CHST9: variants seen among roughly 807,000 people sequenced by gnomAD.
CHST9 encodes GalNAc-4-sulfotransferase 2.
CHST9 carries 41 observed loss-of-function variants against 44.4 expected under a neutral mutation model. The observed-to-expected ratio is 0.92, with a 90% confidence interval of 0.72 to 1.20. The LOEUF (loss-of-function observed/expected upper bound fraction) is 1.20, where lower values mean the gene tolerates loss of function less well. Ranked by LOEUF, CHST9 falls within the 50% of genes most tolerant of loss-of-function variation. The pLI is 0.00. For missense variants in CHST9, 504 were observed against 516.5 expected, an observed-to-expected ratio of 0.98 and a Z score of 0.23; for synonymous variants, 171 against 178.4, an observed-to-expected ratio of 0.96 and a Z score of 0.33.
At chr18:27,007,644 AGAAAGGGAAGGGG>A (rs549435994) in intron 4 of CHST9, among the ~76,000 whole-genome samples, 174 of 152,352 alleles carry the variant, frequency 1.1e-3, no homozygotes, top group African/African-American at 3.9e-3. Context: ...AGGAACAGTC[AGAAAGGGAAGGGG>A]GAATCCTATT....
chr18:27,048,370 T>C, intron 3 of CHST9, 95 bp downstream of exon 3: 3 of 913,694 alleles, frequency 3.3e-6, no homozygotes, highest in Non-Finnish European at 5.1e-6. Flanking sequence ...AAACTATTAA[T>C]TTTAGTGTGA....
chr18:27,144,653 C>T (rs927012275), intron 1 of CHST9, among the ~76,000 whole-genome samples: 41 of 152,018 alleles, frequency 2.7e-4, no homozygotes, highest in African/African-American at 1.9e-4. Flanking sequence ...CAGGCCACTG[C>T]GCTTCAGCCT....
chr18:27,155,050 T>TCAA (rs2058687853), intron 1 of CHST9, among the ~76,000 whole-genome samples: 1 of 147,978 alleles, frequency 6.8e-6, no homozygotes, highest in Non-Finnish European at 1.5e-5. Flanking sequence ...GCATTGCACT[T>TCAA]CAACCTGGGC....
intron 1 of CHST9, among the ~76,000 whole-genome samples, chr18:27,152,824 G>A (rs2058669415): frequency 6.6e-6 from 1 of 152,054 alleles, no homozygotes; most frequent in Non-Finnish European, 1.5e-5. Flanking sequence ...GGTAATTTGG[G>A]TGGTCATATC....
At chr18:27,060,640 C>A (rs2143611237) in intron 2 of CHST9, among the ~76,000 whole-genome samples, 1 of 152,300 alleles carries the variant, frequency 6.6e-6, no homozygotes, top group Non-Finnish European at 1.5e-5. Flanking sequence ...GTGAAAAACA[C>A]AACTGAGTGC....
intron 4 of CHST9, among the ~76,000 whole-genome samples, chr18:26,975,621 T>C (rs2056607899): frequency 6.8e-6 from 1 of 147,028 alleles, no homozygotes; most frequent in East Asian, 2.0e-4. Flanking sequence ...TTCTTTTTAA[T>C]GGCTGAACAG....
intron 2 of CHST9, among the ~76,000 whole-genome samples, chr18:27,121,203 C>T (rs565293652): frequency 5.9e-4 from 90 of 152,064 alleles, no homozygotes; most frequent in Non-Finnish European, 1.1e-3. Context: ...CAGGGTCTCA[C>T]TATGTTGCCC....
intron 2 of CHST9, among the ~76,000 whole-genome samples, chr18:27,136,209 A>G (rs1308745973): frequency 6.6e-6 from 1 of 152,256 alleles, no homozygotes; most frequent in Non-Finnish European, 1.5e-5. Context: ...AGGGGCAAGA[A>G]AGGGAGATAC....
chr18:27,134,364 C>G (rs969573580), intron 2 of CHST9, among the ~76,000 whole-genome samples: 1 of 151,702 alleles, frequency 6.6e-6, no homozygotes, highest in African/African-American at 2.4e-5. Context: ...AATAAGGTGG[C>G]TTTACTTTGC....
chr18:27,100,292 AC>A (rs2058158673), intron 2 of CHST9, among the ~76,000 whole-genome samples: 1 of 152,090 alleles, frequency 6.6e-6, no homozygotes, highest in Non-Finnish European at 1.5e-5. Flanking sequence ...TGGTTGAAAA[AC>A]CAACTGTTGG....
intron 3 of CHST9, among the ~76,000 whole-genome samples, chr18:27,046,328 C>G (rs1392157976): frequency 1.3e-5 from 2 of 151,780 alleles, no homozygotes; most frequent in Non-Finnish European, 2.9e-5. Flanking sequence ...CTTGGTAGGT[C>G]CCAGTTTTAA....
At chr18:27,087,549 T>G (rs2058024602) in intron 2 of CHST9, among the ~76,000 whole-genome samples, 1 of 152,160 alleles carries the variant, frequency 6.6e-6, no homozygotes, top group African/African-American at 2.4e-5. Flanking sequence ...ATATTTCACC[T>G]TAACATTGTA....
At chr18:27,079,655 A>C (rs1004158338) in intron 2 of CHST9, among the ~76,000 whole-genome samples, 5 of 152,216 alleles carry the variant, frequency 3.3e-5, no homozygotes, top group Non-Finnish European at 7.3e-5. Context: ...CTTCTGTAAC[A>C]GACAATCACA....
At chr18:27,027,222 T>G (rs1434859630) in intron 3 of CHST9, among the ~76,000 whole-genome samples, 1 of 152,218 alleles carries the variant, frequency 6.6e-6, no homozygotes, top group African/African-American at 2.4e-5. Context: ...TAACTGAGAA[T>G]ACAAGGATAG....
intron 2 of CHST9, among the ~76,000 whole-genome samples, chr18:27,072,298 T>C (rs2057849256): frequency 6.6e-6 from 1 of 152,210 alleles, no homozygotes; most frequent in Admixed American, 6.5e-5. Flanking sequence ...TCCTTAAAGC[T>C]TTCCTTCTGG....
At chr18:27,108,011 A>G (rs1197035393) in intron 2 of CHST9, among the ~76,000 whole-genome samples, 2 of 152,162 alleles carry the variant, frequency 1.3e-5, no homozygotes, top group African/African-American at 4.8e-5. Context: ...TTTCTCAGAA[A>G]TGAGTCTTCC....
Position 27,013,245 on chromosome 18 carries a change from G to A in CHST9, c.202+10871C>T, listed in dbSNP as rs372184671. ...GTGGTGCATAATATTTGCCAAGTCT[G>A]TGCATGTAATAGCAATAGCTAGTTT... On this transcript the variant is annotated intron_variant, in intron 4 of 5. Coordinates refer to ENST00000618847, the MANE Select transcript of CHST9 (RefSeq NM_031422.6). Among the ~76,000 whole-genome samples the A allele has an allele frequency of 7.9e-5, 12 of 152,328 alleles. No homozygotes were observed. The South Asian group carries it at 2.5e-3, about 32-fold the overall frequency.
chr18:27,128,075 T>TGG (rs2058440511), intron 2 of CHST9, among the ~76,000 whole-genome samples: 5 of 152,142 alleles, frequency 3.3e-5, no homozygotes, highest in Admixed American at 2.6e-4. Context: ...TAAGGACTCA[T>TGG]CAATTTATCC....
chr18:27,051,436 A>G (rs563822265), intron 2 of CHST9, among the ~76,000 whole-genome samples: 50 of 152,140 alleles, frequency 3.3e-4, no homozygotes, highest in Non-Finnish European at 6.5e-4. Flanking sequence ...AAAGACAAAA[A>G]ACTATGGCTT....
Sources: allele counts gnomAD v4.1 joint callset (sites outside exome capture counted in the v4.1 genomes callset), GRCh38; gene constraint gnomAD v4.1.1; transcripts MANE v1.5; gene names NCBI Gene and HGNC (gene_info 2026-07-23, HGNC 2026-07-21).